The following MTTP variants were observed in gnomAD, a reference collection of about 807,000 sequenced individuals.
MTTP encodes the protein microsomal triglyceride transfer protein.
In MTTP, 49 loss-of-function variants were observed where a neutral mutation model predicts 90.6. The observed-to-expected ratio is 0.54, with a 90% confidence interval of 0.43 to 0.69. The LOEUF (loss-of-function observed/expected upper bound fraction) is 0.69, where lower values mean the gene tolerates loss of function less well. MTTP is among the 30% of genes least tolerant of loss of function. MTTP has a pLI of 0.00. For missense variants in MTTP, 945 were observed against 1,067.5 expected (o/e 0.89, Z 1.60); for synonymous variants, 347 against 384.2 (o/e 0.90, Z 1.13).
chr4:99,601,673 CTT>C lies in MTTP; in HGVS notation c.1304_1305del (p.Leu435ArgfsTer8). On this transcript the variant is annotated frameshift_variant, in exon 10 of 18. Transcript: ENST00000265517. LOFTEE classifies it high-confidence loss of function. ...RETVMIITGT[L>X]VRKLCQNEGC... The stretch of plus-strand genomic sequence containing the variant: ...AACTGTTATGATCATCACTGGGACA[CTT>C]GTCAGAAAGTTGTGTCAGAATGAAG... 6.2e-7 allele frequency: 1 copy of C among 1,613,034 alleles called. No individual in the cohort carries two copies. The highest frequency in any genetic ancestry group is 2.2e-5 in the East Asian group (1 of 44,790).
chr4:99,569,274 C>G (rs573963805), intron 1 of MTTP, among the ~76,000 whole-genome samples: 1 of 151,954 alleles, frequency 6.6e-6, no homozygotes, highest in Admixed American at 6.6e-5. Flanking sequence ...GAATATCTTG[C>G]GAAGTATCTG....
intron 16 of MTTP, 103 bp from the exon 17 acceptor site, chr4:99,620,958 G>C: frequency 9.0e-7 from 1 of 1,111,834 alleles, no homozygotes; most frequent in Non-Finnish European, 1.3e-6. Context: ...TTTCCTTCCA[G>C]TCACTGGCAT....
At chr4:99,609,000 C>G (rs771339770) in intron 12 of MTTP, 23 bp downstream of exon 12, 1 of 1,590,184 alleles carries the variant, frequency 6.3e-7, no homozygotes, top group South Asian at 1.1e-5. Flanking sequence ...GCACATGTCT[C>G]TCTGTGTATT....
rs777262192 is a variant in MTTP, at chr4:99,613,156, TGTGA to T, written c.2217+19_2217+22del. ...TCATTCTCAGGTAATTCATTCAGTC[TGTGA>T]GTATTTATTGAGTCCCTAAAATACG... On this transcript the variant is annotated intron_variant, in intron 15 of 17. Transcript: ENST00000265517. The T allele has an allele frequency of 2.3e-5, 37 of 1,600,436 alleles. No homozygotes were observed. Among genetic ancestry groups the T allele is most frequent in the Non-Finnish European group, 3.0e-5 (35 of 1,169,796 alleles).
chr4:99,589,986 C>A (rs1329967863), intron 4 of MTTP, among the ~76,000 whole-genome samples: 2 of 152,140 alleles, frequency 1.3e-5, no homozygotes, highest in African/African-American at 4.8e-5. Context: ...GGGATCATTC[C>A]AGTGGTTCCC....
At chr4:99,594,135 A>T (rs764879224) in intron 6 of MTTP, among the ~76,000 whole-genome samples, 1 of 152,218 alleles carries the variant, frequency 6.6e-6, no homozygotes, top group Non-Finnish European at 1.5e-5. Flanking sequence ...AAGGCTCCGA[A>T]GCACATGTAC....
Position 99,612,987 on chromosome 4 carries a change from C to G in MTTP, c.2064C>G (p.Ser688=). ...ACGAGGGGGAGGAGAACCTTGACTC[C>G]TATGCTGGTATGTCAGCCATCCTCT... The part of the protein sequence containing the change: ...TPDEGEENLD[S]YAGMSAILFD... Residue 688 remains serine (S), a synonymous_variant, in exon 15 of 18, where the codon TCC becomes TCG. Coordinates refer to ENST00000265517, the MANE Select transcript of MTTP (RefSeq NM_001386140.1). 6.2e-7 allele frequency: 1 copy of G among 1,614,048 alleles called. No homozygotes were observed. The highest frequency in any genetic ancestry group is 1.1e-5 in the South Asian group (1 of 91,084).
chr4:99,582,694 G>A (rs972880242), intron 2 of MTTP, among the ~76,000 whole-genome samples: 3 of 152,152 alleles, frequency 2.0e-5, no homozygotes, highest in Admixed American at 6.5e-5. Context: ...AGAACCTAAA[G>A]ATAATAGATT....
At chr4:99,578,048 C>T (rs1220906887) in intron 1 of MTTP, among the ~76,000 whole-genome samples, 3 of 152,100 alleles carry the variant, frequency 2.0e-5, no homozygotes, top group Non-Finnish European at 4.4e-5. Flanking sequence ...ACCTATCACC[C>T]TTATCATCAC....
chr4:99,580,861 CA>C (rs1288111911), intron 1 of MTTP, among the ~76,000 whole-genome samples: 3 of 152,166 alleles, frequency 2.0e-5, no homozygotes, highest in Admixed American at 6.5e-5. Context: ...AAGGCCTTTT[CA>C]GGCATTGCAA....
At chr4:99,603,158 A>G (rs535438563) in intron 10 of MTTP, among the ~76,000 whole-genome samples, 5 of 152,268 alleles carry the variant, frequency 3.3e-5, no homozygotes, top group African/African-American at 1.2e-4. Flanking sequence ...TAGGCCTGGT[A>G]TGGTTGGGAA....
chr4:99,621,238 T>G lies in MTTP; in HGVS notation c.2513+7T>G. 1 of 1,613,948 alleles carries G rather than the reference T, an allele frequency of 6.2e-7. No individual in the cohort carries two copies. Among genetic ancestry groups the G allele is most frequent in the Non-Finnish European group, 8.5e-7 (1 of 1,179,832 alleles). On this transcript the variant is annotated splice_region_variant and intron_variant, in intron 17 of 17. Coordinates refer to ENST00000265517, the MANE Select transcript of MTTP (RefSeq NM_001386140.1). The stretch of plus-strand genomic sequence containing the variant: ...AGGATGAAGCTCCATTCAGGTAAGA[T>G]GCAGCGTTCAGGTCATGTTCCAGGA...
rs759413233 is a variant in MTTP at position 99,589,670 on chromosome 4, G to C, written c.421G>C (p.Glu141Gln). 3 of 1,608,316 alleles carry C rather than the reference G, an allele frequency of 1.9e-6. No individual in the cohort carries two copies. The highest frequency in any genetic ancestry group is 1.7e-6 in the Non-Finnish European group (2 of 1,175,146). Reference sequence around the variant, plus strand: ...CAAAGAGTTCTACTCATATCAAAATGAGGCAGTGGCCATAGAAAATATCAA... The same window carrying C: ...CAAAGAGTTCTACTCATATCAAAATCAGGCAGTGGCCATAGAAAATATCAA... ...KVKEFYSYQNEAVAIENIKRG... is the reference protein window; with the variant it reads ...KVKEFYSYQNQAVAIENIKRG... Residue 141 changes from glutamate to glutamine, a missense_variant, in exon 4 of 18, where the codon GAG becomes CAG. Coordinates refer to ENST00000265517, the MANE Select transcript of MTTP (RefSeq NM_001386140.1).
At chr4:99,609,806 A>G (rs1038876368) in intron 12 of MTTP, among the ~76,000 whole-genome samples, 2 of 152,234 alleles carry the variant, frequency 1.3e-5, no homozygotes, top group African/African-American at 4.8e-5. Context: ...GGAAAGAGCA[A>G]TGGAGCAAGT....
chr4:99,570,456 T>C (rs1450332442), upstream of MTTP, among the ~76,000 whole-genome samples: 1 of 152,018 alleles, frequency 6.6e-6, no homozygotes, highest in African/African-American at 2.4e-5. Flanking sequence ...CTCTCTGATA[T>C]TCTGCAGTTT....
At chr4:99,577,183 T>C (rs1158874626) in intron 1 of MTTP, among the ~76,000 whole-genome samples, 1 of 152,190 alleles carries the variant, frequency 6.6e-6, no homozygotes, top group Admixed American at 6.5e-5. Flanking sequence ...AGAGTTTACC[T>C]TAAAATCAGT....
chr4:99,617,992 G>A (rs955366542), intron 15 of MTTP, among the ~76,000 whole-genome samples: 12 of 152,006 alleles, frequency 7.9e-5, no homozygotes, highest in African/African-American at 1.5e-4. Flanking sequence ...CTCTGTAACC[G>A]CTGGTTCCTC....
intron 1 of MTTP, among the ~76,000 whole-genome samples, chr4:99,566,560 A>G (rs1257608098): frequency 2.0e-5 from 3 of 152,200 alleles, no homozygotes; most frequent in African/African-American, 7.2e-5. Flanking sequence ...TGAGAGTGCA[A>G]TTCCTCTTTA....
chr4:99,605,780 T>C (rs1001958190), intron 10 of MTTP, among the ~76,000 whole-genome samples: 11 of 152,138 alleles, frequency 7.2e-5, no homozygotes, highest in Non-Finnish European at 2.9e-5. Flanking sequence ...TGATTAAGTG[T>C]GATGTTTAGC....
Sources: allele counts gnomAD v4.1 joint callset (sites outside exome capture counted in the v4.1 genomes callset), GRCh38; gene constraint gnomAD v4.1.1; transcripts MANE v1.5; gene names NCBI Gene and HGNC (gene_info 2026-07-23, HGNC 2026-07-21).